RTL4: variants seen among roughly 807,000 people sequenced by gnomAD.
The protein encoded by RTL4 is retrotransposon Gag like 4.
A neutral mutation model predicts 5.3 loss-of-function variants in RTL4; 4 were observed. The observed-to-expected ratio is 0.75, with a 90% CI of 0.37 to 1.72. The LOEUF (loss-of-function observed/expected upper bound fraction) is 1.72, where lower values mean the gene tolerates loss of function less well. Ranked by LOEUF, RTL4 falls within the 40% of genes most tolerant of loss-of-function variation. RTL4 has a pLI of 0.04. For synonymous variants in RTL4, 98 were observed against 87.3 expected, an observed-to-expected ratio of 1.12 and a Z score of -0.68; for missense variants, 260 against 227.1, an observed-to-expected ratio of 1.14 and a Z score of -0.93.
chrX:112,304,108 G>T, the RTL4 span, among the ~76,000 whole-genome samples: 3 of 110,961 alleles, frequency 2.7e-5, no homozygotes, highest in African/African-American at 9.9e-5. Flanking sequence ...CCTTTCTGTG[G>T]CTGATACCCA....
chrX:112,425,497 C>A, the RTL4 span, among the ~76,000 whole-genome samples: 1 of 111,077 alleles, frequency 9.0e-6, no homozygotes, highest in East Asian at 2.8e-4. Flanking sequence ...TTGTAATAAA[C>A]CACCAAACTG....
exon 1 of RTL4, chrX:112,455,795 G>A (rs1926832981): frequency 9.8e-6 from 6 of 610,254 alleles, no homozygotes. Flanking sequence ...ACGCTTTGGG[G>A]GAATTTAAAC....
the RTL4 span, among the ~76,000 whole-genome samples, chrX:112,322,652 C>A: frequency 9.0e-6 from 1 of 110,890 alleles, no homozygotes; most frequent in African/African-American, 3.3e-5. Context: ...GCTCTCATTT[C>A]TCTTCCTCTT....
the RTL4 span, among the ~76,000 whole-genome samples, chrX:112,294,362 C>T: frequency 2.2e-4 from 25 of 111,160 alleles, no homozygotes; most frequent in African/African-American, 7.8e-4. Context: ...TTTGGGAGGC[C>T]GATGCAGGCA....
chrX:112,204,313 T>C, the RTL4 span, among the ~76,000 whole-genome samples: 1 of 112,193 alleles, frequency 8.9e-6, no homozygotes, highest in African/African-American at 3.2e-5. Flanking sequence ...ATCTCATTGC[T>C]GGCTATATAC....
chrX:112,262,232 A>G, the RTL4 span, among the ~76,000 whole-genome samples: 1 of 112,197 alleles, frequency 8.9e-6, no homozygotes, highest in Non-Finnish European at 1.9e-5. Flanking sequence ...ACAGCAAAAG[A>G]AACTACCATC....
At chrX:112,370,747 A>G in the RTL4 span, among the ~76,000 whole-genome samples, 1 of 111,139 alleles carries the variant, frequency 9.0e-6, no homozygotes, top group Non-Finnish European at 1.9e-5. Context: ...GTTGCACAGT[A>G]CTTATCATCA....
chrX:112,351,662 C>G, the RTL4 span, among the ~76,000 whole-genome samples: 2 of 109,076 alleles, frequency 1.8e-5, no homozygotes, highest in African/African-American at 3.4e-5. Context: ...GGTTTAAAGT[C>G]TGTTTTATCA....
At chrX:112,238,581 C>T in the RTL4 span, among the ~76,000 whole-genome samples, 2 of 111,525 alleles carry the variant, frequency 1.8e-5, no homozygotes, top group African/African-American at 6.5e-5. Flanking sequence ...AAATAAAAAT[C>T]TATGGATTTA....
chrX:112,093,825 G>A, the RTL4 span, among the ~76,000 whole-genome samples: 4 of 111,874 alleles, frequency 3.6e-5, no homozygotes, highest in Admixed American at 2.9e-4. Context: ...AGGTAATAGC[G>A]TATGTGAGAA....
chrX:112,362,133 G>A, the RTL4 span, among the ~76,000 whole-genome samples: 1 of 111,956 alleles, frequency 8.9e-6, no homozygotes, highest in African/African-American at 3.2e-5. Flanking sequence ...ACGATATCTC[G>A]GCTAATACTT....
the RTL4 span, among the ~76,000 whole-genome samples, chrX:112,182,919 G>A: frequency 8.9e-6 from 1 of 111,906 alleles, no homozygotes; most frequent in Non-Finnish European, 1.9e-5. Flanking sequence ...CAGAGAGAAA[G>A]GTTGGGTTAT....
At chrX:112,133,243 C>G in the RTL4 span, among the ~76,000 whole-genome samples, 23 of 111,855 alleles carry the variant, frequency 2.1e-4, no homozygotes, top group Admixed American at 1.8e-3. Context: ...CTTTTCAAAT[C>G]TCTTTAAAAA....
the RTL4 span, among the ~76,000 whole-genome samples, chrX:112,372,488 A>T: frequency 1.6e-4 from 18 of 111,026 alleles, no homozygotes; most frequent in African/African-American, 5.9e-4. Context: ...TTTTTCTTCT[A>T]TTCCTGTCCC....
chrX:112,083,065 G>A, the RTL4 span, among the ~76,000 whole-genome samples: 1 of 110,156 alleles, frequency 9.1e-6, no homozygotes, highest in Non-Finnish European at 1.9e-5. Context: ...CGCAGCCGCA[G>A]CCCCAAGTCA....
the RTL4 span, among the ~76,000 whole-genome samples, chrX:112,256,876 A>G: frequency 1.8e-5 from 2 of 111,819 alleles, no homozygotes; most frequent in Non-Finnish European, 3.8e-5. Flanking sequence ...ATATCCAGCA[A>G]TCTTTTAGTT....
chrX:112,216,235 T>C, the RTL4 span, among the ~76,000 whole-genome samples: 4 of 111,762 alleles, frequency 3.6e-5, no homozygotes, highest in African/African-American at 9.8e-5. Context: ...TCAGGGACAA[T>C]GCAGAGGAGA....
chrX:112,116,592 G>A, the RTL4 span, among the ~76,000 whole-genome samples: 1 of 111,615 alleles, frequency 9.0e-6, no homozygotes, highest in African/African-American at 3.3e-5. Context: ...GTGCTGAGTG[G>A]TGCGTTTTTA....
the RTL4 span, among the ~76,000 whole-genome samples, chrX:112,107,387 T>TA: frequency 1.8e-5 from 2 of 112,460 alleles, no homozygotes; most frequent in Non-Finnish European, 3.8e-5. Flanking sequence ...GACTGTATTA[T>TA]ACATACTTTT....
Sources: gnomAD v4.1 joint callset for allele counts (sites outside exome capture counted in the v4.1 genomes callset) on GRCh38, gnomAD v4.1.1 for gene constraint, MANE v1.5 for transcripts, NCBI Gene and HGNC (gene_info 2026-07-23, HGNC 2026-07-21) for gene names.